The following GSS variants were observed in gnomAD, a reference collection of about 807,000 sequenced individuals.
The protein encoded by GSS is GSH synthetase.
In GSS, 34 loss-of-function variants were observed where a neutral mutation model predicts 60.4. The observed-to-expected ratio is 0.56, with a 90% CI of 0.43 to 0.75. The LOEUF is 0.75. Among genes scored for constraint, GSS ranks in the 30% least tolerant of loss-of-function variants. The pLI is 0.00. For synonymous variants in GSS, 224 were observed against 239.0 expected, an observed-to-expected ratio of 0.94 and a Z score of 0.58; for missense variants, 499 against 595.1, an observed-to-expected ratio of 0.84 and a Z score of 1.68.
chr20:34,937,259 C>T (rs1464056617), intron 6 of GSS, among the ~76,000 whole-genome samples: 1 of 152,162 alleles, frequency 6.6e-6, no homozygotes, highest in Non-Finnish European at 1.5e-5. Flanking sequence ...TGCCTCTGAC[C>T]CTTCTCCAGT....
intron 4 of GSS, 67 bp from the exon 5 acceptor site, chr20:34,942,694 C>T: frequency 2.7e-6 from 4 of 1,454,800 alleles, no homozygotes; most frequent in Non-Finnish European, 3.9e-6. Flanking sequence ...AGCCACAGAG[C>T]ACACAGGTAC....
At chr20:34,931,244 C>T (rs888040464) in intron 11 of GSS, 92 bp downstream of exon 11, 28 of 1,013,084 alleles carry the variant, frequency 2.8e-5, no homozygotes, top group East Asian at 2.6e-4. Flanking sequence ...CCCCCATGCC[C>T]GGGACTGTGC....
intron 2 of GSS, 129 bp downstream of exon 2, chr20:34,951,595 T>A: frequency 1.0e-6 from 1 of 993,734 alleles, no homozygotes; most frequent in Non-Finnish European, 1.5e-6. Context: ...CTTCTAGAGA[T>A]CAATTTTAGT....
intron 3 of GSS, among the ~76,000 whole-genome samples, chr20:34,944,996 A>AAT (rs1555888672): frequency 1.3e-5 from 2 of 151,840 alleles, no homozygotes; most frequent in Non-Finnish European, 2.9e-5. Context: ...TTCTACAATG[A>AAT]ATATATATAC....
chr20:34,946,177 A>G (rs1305356176), intron 2 of GSS, 79 bp from the exon 3 acceptor site: 8 of 1,256,160 alleles, frequency 6.4e-6, no homozygotes, highest in Middle Eastern at 1.9e-4. Context: ...AATCCCATGG[A>G]AAGTCTGGCC....
chr20:34,947,957 T>TC (rs1165145819), intron 2 of GSS, among the ~76,000 whole-genome samples: 9 of 151,398 alleles, frequency 5.9e-5, no homozygotes, highest in Non-Finnish European at 1.2e-4. Flanking sequence ...ATCTTTTTTT[T>TC]TTTTTTTTGG....
At chr20:34,942,800 A>T in intron 4 of GSS, 131 bp downstream of exon 4, 1 of 930,314 alleles carries the variant, frequency 1.1e-6, no homozygotes, top group Non-Finnish European at 1.7e-6. Flanking sequence ...ACTGGGATAA[A>T]CCCAGTGAGG....
chr20:34,939,011 C>T (rs1028015646), intron 6 of GSS, among the ~76,000 whole-genome samples: 2 of 152,116 alleles, frequency 1.3e-5, no homozygotes, highest in South Asian at 2.1e-4. Context: ...GAGGCCGAGG[C>T]GGGCGGATTG....
intron 5 of GSS, 73 bp downstream of exon 5, chr20:34,942,414 TG>T: frequency 7.1e-7 from 1 of 1,408,716 alleles, no homozygotes; most frequent in Non-Finnish European, 9.9e-7. Context: ...TGGAGTTCCC[TG>T]GCCTAGCCAG....
chr20:34,952,883 G>A (rs995091177), intron 1 of GSS: 1 of 152,210 alleles, frequency 6.6e-6, no homozygotes, highest in South Asian at 2.1e-4. Context: ...ACCATGAAAT[G>A]CGAATAAGGT....
At chr20:34,929,134 A>T in intron 12 of GSS, 183 bp from the exon 13 acceptor site, 3 of 760,592 alleles carry the variant, frequency 3.9e-6, no homozygotes, top group Non-Finnish European at 2.2e-6. Context: ...ATGTGTTCTG[A>T]GTCCTCTTGG....
At chr20:34,952,366 T>A (rs1162213570) in intron 1 of GSS, 1 of 179,828 alleles carries the variant, frequency 5.6e-6, no homozygotes, top group East Asian at 1.4e-4. Flanking sequence ...TGGGAAAGAA[T>A]ACAGATTCCT....
intron 4 of GSS, 138 bp downstream of exon 4, chr20:34,942,793 G>A (rs2081494559): frequency 1.1e-6 from 1 of 950,310 alleles, no homozygotes; most frequent in Admixed American, 2.0e-5. Flanking sequence ...ATTGGTCACT[G>A]GGATAAACCC....
Position 34,928,495 on chromosome 20 carries a change from C to T in GSS, c.*333G>A. 2.3e-6 allele frequency: 1 copy of T among 439,582 alleles called. No homozygotes were observed. Among genetic ancestry groups the T allele is most frequent in the Non-Finnish European group, 4.2e-6 (1 of 236,480 alleles). The allele number at this position is 439,582 out of a possible 1,614,324, so 27.2% of individuals were successfully genotyped here. On this transcript the variant is annotated 3_prime_UTR_variant, in exon 13 of 13. Transcript: ENST00000651619. ...GGAAAGGCTATGCCCCTCCACTCCC[C>T]CTCCTCCTACCACTCAGTCCTATCC...
Position 34,951,837 on chromosome 20 carries a change from C to T in GSS, c.16G>A (p.Gly6Arg). The T allele has an allele frequency of 1.2e-6, 2 of 1,614,162 alleles. No homozygotes were observed. The highest frequency in any genetic ancestry group is 1.7e-5 in the Admixed American group (1 of 60,022). The change falls in exon 2 of 13, where the codon GGG becomes AGG. Residue 6 changes from glycine (G) to arginine (R), a missense_variant. Coordinates refer to ENST00000651619, the MANE Select transcript of GSS (RefSeq NM_000178.4). The stretch of plus-strand genomic sequence containing the variant: ...TGCTGTTTATCCTGCAAGAGGCTCC[C>T]CCAGTTGGTGGCCATCCCAACACCT... MATNW[G>R]SLLQDKQQLE...
chr20:34,950,351 T>C lies in GSS; in HGVS notation c.129+1373A>G, dbSNP rs148907564. On this transcript the variant is annotated intron_variant, in intron 2 of 12. Coordinates refer to ENST00000651619, the MANE Select transcript of GSS (RefSeq NM_000178.4). ...GAGTGTGGACTCCATCAGGCCTGTG[T>C]AGGTTCTGGGCACACAGAGACAAAA... Among the ~76,000 whole-genome samples the C allele has an allele frequency of 6.6e-3, 997 of 152,074 alleles. 9 individuals are homozygous for C. Among genetic ancestry groups the C allele is most frequent in the African/African-American group, 0.021 (889 of 41,478 alleles).
rs2081447644 is a variant in GSS, at chr20:34,937,137, C to T, written c.609-114G>A. ...TGGAATAAGAATAAGAACACCGCTT[C>T]CCTGAAAGAACAGATGTTCCCTCTC... On this transcript the variant is annotated intron_variant, in intron 6 of 12. Coordinates refer to ENST00000651619, the MANE Select transcript of GSS (RefSeq NM_000178.4). The T allele has an allele frequency of 8.0e-6, 6 of 746,284 alleles. No individual in the cohort carries two copies. The East Asian group carries it at 1.6e-4, about 20-fold the overall frequency. The allele number at this position is 746,284 out of a possible 1,614,324, so 46.2% of individuals were successfully genotyped here.
At chr20:34,934,396 C>T (rs958617290) in intron 9 of GSS, among the ~76,000 whole-genome samples, 3 of 151,490 alleles carry the variant, frequency 2.0e-5, no homozygotes, top group Admixed American at 6.6e-5. Flanking sequence ...CCTGCCTCAG[C>T]GTCCTGAGTA....
In GSS at chr20:34,941,695, A is replaced by T; in HGVS notation, c.608+18T>A. On this transcript the variant is annotated intron_variant, in intron 6 of 12. Coordinates refer to ENST00000651619, the MANE Select transcript of GSS (RefSeq NM_000178.4). ...GAAACTAAAGCAGGATCCTCCTGCT[A>T]CCTTTTCACACCCTTACTTGGGTGA... The T allele has an allele frequency of 7.5e-7, 1 of 1,341,356 alleles. No individual in the cohort carries two copies. The highest frequency in any genetic ancestry group is 1.1e-6 in the Non-Finnish European group (1 of 931,208). 83.1% of individuals were successfully genotyped at this position (1,341,356 alleles called of 1,614,324 possible).
Sources: gnomAD v4.1 joint callset for allele counts (sites outside exome capture counted in the v4.1 genomes callset) on GRCh38, gnomAD v4.1.1 for gene constraint, MANE v1.5 for transcripts, NCBI Gene and HGNC (gene_info 2026-07-23, HGNC 2026-07-21) for gene names.